The following CHCHD6 variants were observed in gnomAD, a reference collection of about 807,000 sequenced individuals.
CHCHD6 encodes coiled-coil-helix-coiled-coil-helix domain containing 6.
CHCHD6 carries 28 observed loss-of-function variants against 32.3 expected under a neutral mutation model. That is an observed-to-expected ratio of 0.87 (90% CI 0.64 to 1.19). The LOEUF (loss-of-function observed/expected upper bound fraction) is 1.19. CHCHD6 is among the 50% of genes most tolerant of loss of function. The pLI is 0.00. For missense variants in CHCHD6, 333 were observed against 307.0 expected (o/e 1.08, Z -0.63); for synonymous variants, 122 against 117.5 (o/e 1.04, Z -0.25).
chr3:126,764,214 T>TATATAC (rs1553730972), intron 4 of CHCHD6, among the ~76,000 whole-genome samples: 53 of 147,660 alleles, frequency 3.6e-4, no homozygotes, highest in African/African-American at 1.3e-3. Flanking sequence ...TATATATATA[T>TATATAC]ATATATATAT....
chr3:126,915,883 T>C (rs2078161839), intron 6 of CHCHD6, among the ~76,000 whole-genome samples: 1 of 152,142 alleles, frequency 6.6e-6, no homozygotes, highest in Non-Finnish European at 1.5e-5. Context: ...CTTGACCTCC[T>C]GGGCTTAGGT....
At chr3:126,919,677 G>A (rs1037298759) in intron 6 of CHCHD6, among the ~76,000 whole-genome samples, 1 of 82,558 alleles carries the variant, frequency 1.2e-5, no homozygotes, top group African/African-American at 4.5e-5. Flanking sequence ...ATTTTTAATT[G>A]TATGTAAATA....
At position 126,738,317 on chromosome 3, in the gene CHCHD6, T is replaced by A. The variant is rs575715482; in HGVS notation, c.411+5095T>A. On this transcript the variant is annotated intron_variant, in intron 4 of 7. Coordinates refer to ENST00000290913, the MANE Select transcript of CHCHD6 (RefSeq NM_032343.3). ...TCGTTTTATGTAAGAGGCTTGAGCA[T>A]CCACAGATTCTGGCATCTGTGGAGG... is the stretch of plus-strand genomic sequence containing the variant. Among the ~76,000 whole-genome samples the A allele has an allele frequency of 3.3e-5, 5 of 152,288 alleles. No individual in the cohort carries two copies. The South Asian group carries it at 1.0e-3, about 32-fold the overall frequency.
chr3:126,823,564 G>A (rs1019757109), intron 4 of CHCHD6, among the ~76,000 whole-genome samples: 1 of 151,854 alleles, frequency 6.6e-6, no homozygotes, highest in Non-Finnish European at 1.5e-5. Context: ...TTTATGTATT[G>A]ACTTTGATAA....
chr3:126,791,502 C>G (rs943663010), intron 4 of CHCHD6, among the ~76,000 whole-genome samples: 3 of 152,262 alleles, frequency 2.0e-5, no homozygotes, highest in Non-Finnish European at 2.9e-5. Flanking sequence ...CTTTGTTTAC[C>G]TACTCAAGCC....
chr3:126,734,653 T>C (rs1010420439), intron 4 of CHCHD6, among the ~76,000 whole-genome samples: 1 of 152,098 alleles, frequency 6.6e-6, no homozygotes, highest in Non-Finnish European at 1.5e-5. Context: ...AAAGGCCAGA[T>C]TGGTTACAGT....
chr3:126,729,107 C>A (rs948114208), intron 2 of CHCHD6, among the ~76,000 whole-genome samples: 20 of 151,618 alleles, frequency 1.3e-4, no homozygotes, highest in African/African-American at 4.6e-4. Flanking sequence ...ATTTTCTACA[C>A]GTCATATTAA....
chr3:126,907,525 ACT>A lies in CHCHD6; in HGVS notation c.496-7152_496-7151del, dbSNP rs532979759. 5.3e-5 allele frequency among the ~76,000 whole-genome samples: 8 copies of A among 152,136 alleles called. No homozygotes were observed. In the South Asian group the frequency reaches 1.5e-3, roughly 28 times the overall value. On this transcript the variant is annotated intron_variant, in intron 5 of 7. Transcript: ENST00000290913. ...GGTTTTTACTATTTTCACATCAGAAACTCTTTCTCCAAATCCTGAATATGTTA... is the reference window on the plus strand; with the variant it reads ...GGTTTTTACTATTTTCACATCAGAAACTTTCTCCAAATCCTGAATATGTTA...
At chr3:126,808,420 CTTAGAGGGCTGTG>C (rs1159993476) in intron 4 of CHCHD6, among the ~76,000 whole-genome samples, 1 of 152,062 alleles carries the variant, frequency 6.6e-6, no homozygotes, top group East Asian at 1.9e-4. Flanking sequence ...TCGGGGCTGT[CTTAGAGGGCTGTG>C]TTACTCAAGA....
At chr3:126,730,465 AT>A in intron 2 of CHCHD6, 95 bp from the exon 3 acceptor site, 1 of 983,190 alleles carries the variant, frequency 1.0e-6, no homozygotes, top group Non-Finnish European at 1.6e-6. Flanking sequence ...CAAGGGGCAC[AT>A]TCATTCATGG....
At chr3:126,947,976 G>A (rs2078663137) in intron 6 of CHCHD6, among the ~76,000 whole-genome samples, 1 of 152,234 alleles carries the variant, frequency 6.6e-6, no homozygotes, top group African/African-American at 2.4e-5. Context: ...CTGGCATGGA[G>A]CCTGGCATGT....
intron 6 of CHCHD6, chr3:126,949,803 A>T (rs2078692252): frequency 1.2e-5 from 2 of 163,484 alleles, no homozygotes; most frequent in Non-Finnish European, 2.7e-5. Context: ...CAGAATTATC[A>T]TGGATGGAAG....
In CHCHD6 at chr3:126,704,248, G is replaced by A. The variant is rs967863416; in HGVS notation, c.-65G>A. ...GGCCGCGCGAGTCCTGGAAAGCGTT[G>A]TTGGCCCGGTTGCTCTGGAGCCGGG... On this transcript the variant is annotated 5_prime_UTR_variant, in exon 1 of 8. Coordinates refer to ENST00000290913, the MANE Select transcript of CHCHD6 (RefSeq NM_032343.3). 64 of 1,354,232 alleles carry A rather than the reference G, an allele frequency of 4.7e-5. No homozygotes were observed. The Admixed American group carries it at 1.0e-3, about 22-fold the overall frequency. 83.9% of individuals were successfully genotyped at this position (1,354,232 alleles called of 1,614,324 possible).
intron 5 of CHCHD6, among the ~76,000 whole-genome samples, chr3:126,894,220 C>T (rs542628285): frequency 2.6e-5 from 4 of 152,338 alleles, no homozygotes; most frequent in South Asian, 4.2e-4. Context: ...CCTGGCACTG[C>T]GCAGTGAAGG....
chr3:126,802,110 G>A (rs1440934914), intron 4 of CHCHD6, among the ~76,000 whole-genome samples: 2 of 152,110 alleles, frequency 1.3e-5, no homozygotes, highest in Non-Finnish European at 2.9e-5. Flanking sequence ...CACAAAGATG[G>A]GGAAAAAACA....
intron 1 of CHCHD6, among the ~76,000 whole-genome samples, chr3:126,717,276 C>T (rs1184086751): frequency 6.6e-6 from 1 of 152,156 alleles, no homozygotes; most frequent in Non-Finnish European, 1.5e-5. Context: ...AGTAAGGTGG[C>T]ACAACTCAGT....
chr3:126,953,061 C>T (rs181379072), intron 6 of CHCHD6: 3 of 985,450 alleles, frequency 3.0e-6, no homozygotes, highest in East Asian at 1.1e-4. Context: ...CTGACCGGGC[C>T]GTCTTGGGCA....
rs2078710993 is a variant in CHCHD6, at chr3:126,951,196, T to C, written c.567-6220T>C. On this transcript the variant is annotated intron_variant, in intron 6 of 7. Transcript: ENST00000290913. ...TGCATCTCTGTCTCACCTGCCGCCA[T>C]GTAAGATGTGCCTGCTTCCCCCTCC... is the stretch of plus-strand genomic sequence containing the variant. Among the ~76,000 whole-genome samples the C allele has an allele frequency of 2.0e-5, 3 of 152,314 alleles. No individual in the cohort carries two copies. In the South Asian group the frequency reaches 6.2e-4, roughly 32 times the overall value.
At chr3:126,783,431 G>T (rs1938047972) in intron 4 of CHCHD6, among the ~76,000 whole-genome samples, 1 of 152,078 alleles carries the variant, frequency 6.6e-6, no homozygotes, top group African/African-American at 2.4e-5. Context: ...TTCAACACAG[G>T]GCTCGAAGTC....
Sources: gnomAD v4.1 joint callset for allele counts (sites outside exome capture counted in the v4.1 genomes callset) on GRCh38, gnomAD v4.1.1 for gene constraint, MANE v1.5 for transcripts, NCBI Gene and HGNC (gene_info 2026-07-23, HGNC 2026-07-21) for gene names.